The following NTM variants were observed in gnomAD, a reference collection of about 807,000 sequenced individuals.
NTM encodes neurotrimin.
In NTM, 13 loss-of-function variants were observed where a neutral mutation model predicts 42.1. The observed-to-expected ratio is 0.31, with a 90% confidence interval of 0.20 to 0.49. The LOEUF (loss-of-function observed/expected upper bound fraction) is 0.49. Ranked by LOEUF, NTM falls within the 20% of genes least tolerant of loss-of-function variation. NTM has a pLI of 0.99. For synonymous variants in NTM, 187 were observed against 179.2 expected (o/e 1.04, Z -0.35); for missense variants, 373 against 452.8 (o/e 0.82, Z 1.60).
intron 1 of NTM, among the ~76,000 whole-genome samples, chr11:131,742,300 G>A (rs1186594941): frequency 3.9e-5 from 6 of 152,130 alleles, no homozygotes; most frequent in African/African-American, 1.2e-4. Flanking sequence ...ATGGCCTTTG[G>A]AAAACATTTC....
At chr11:131,451,314 G>A (rs1950470329) in intron 1 of NTM, among the ~76,000 whole-genome samples, 1 of 152,146 alleles carries the variant, frequency 6.6e-6, no homozygotes, top group South Asian at 2.1e-4. Context: ...GTATAGATGA[G>A]TATTTTCTCT....
chr11:131,613,972 C>T (rs1049964424), intron 1 of NTM, among the ~76,000 whole-genome samples: 2 of 152,204 alleles, frequency 1.3e-5, no homozygotes, highest in African/African-American at 4.8e-5. Context: ...TACACGCAGA[C>T]ATGCACCATG....
chr11:132,315,089 T>TTCTC, intron 7 of NTM: 1 of 1,005,954 alleles, frequency 9.9e-7, no homozygotes, highest in Non-Finnish European at 1.2e-6. Context: ...GATTTTTTTT[T>TTCTC]TCTCAGTGAT....
intron 2 of NTM, among the ~76,000 whole-genome samples, chr11:131,977,500 G>A (rs1340851622): frequency 2.0e-5 from 3 of 152,172 alleles, no homozygotes; most frequent in African/African-American, 4.8e-5. Flanking sequence ...CAGCATTCAT[G>A]AGCAATTGCT....
At chr11:132,118,963 A>C (rs1237977244) in intron 2 of NTM, among the ~76,000 whole-genome samples, 2 of 152,016 alleles carry the variant, frequency 1.3e-5, no homozygotes, top group Non-Finnish European at 2.9e-5. Flanking sequence ...GTAGAGATAG[A>C]TAGTGTATAG....
intron 1 of NTM, among the ~76,000 whole-genome samples, chr11:131,581,046 G>A (rs143509850): frequency 5.3e-4 from 80 of 152,344 alleles, no homozygotes; most frequent in African/African-American, 1.9e-3. Flanking sequence ...TGCTAAAAGG[G>A]TGTGGGGTAT....
intron 1 of NTM, among the ~76,000 whole-genome samples, chr11:131,522,003 T>C (rs887691997): frequency 1.3e-5 from 2 of 152,218 alleles, no homozygotes; most frequent in African/African-American, 4.8e-5. Context: ...AATTAAAATT[T>C]AAATTGACGT....
chr11:131,922,192 T>C (rs577277776), intron 2 of NTM: 1 of 152,716 alleles, frequency 6.5e-6, no homozygotes, highest in African/African-American at 2.4e-5. Flanking sequence ...ATAAACGTCC[T>C]CCTTGCTACT....
intron 2 of NTM, among the ~76,000 whole-genome samples, chr11:132,038,818 C>T (rs918631005): frequency 6.6e-6 from 1 of 152,196 alleles, no homozygotes; most frequent in Non-Finnish European, 1.5e-5. Context: ...CTGCCTTCCT[C>T]ACGTCCCTGT....
At chr11:132,207,048 G>A (rs1446034241) in intron 3 of NTM, among the ~76,000 whole-genome samples, 1 of 152,208 alleles carries the variant, frequency 6.6e-6, no homozygotes, top group Non-Finnish European at 1.5e-5. Flanking sequence ...ACACCATTGT[G>A]TAACAGTAGG....
intron 1 of NTM, among the ~76,000 whole-genome samples, chr11:131,817,844 T>C (rs967570173): frequency 5.3e-5 from 8 of 152,376 alleles, no homozygotes; most frequent in Middle Eastern, 3.4e-3. Flanking sequence ...CTGTGTACCA[T>C]GGTTTACACT....
At chr11:132,171,636 T>C (rs2076135235) in intron 3 of NTM, among the ~76,000 whole-genome samples, 1 of 152,226 alleles carries the variant, frequency 6.6e-6, no homozygotes, top group African/African-American at 2.4e-5. Flanking sequence ...ATTCATTCCA[T>C]TGCTTTGTCC....
At chr11:131,595,040 G>T (rs2059696416) in intron 1 of NTM, among the ~76,000 whole-genome samples, 1 of 152,200 alleles carries the variant, frequency 6.6e-6, no homozygotes, top group African/African-American at 2.4e-5. Flanking sequence ...TATGCAGAAT[G>T]CTTAGCCCAG....
At chr11:131,714,493 G>T (rs2077487050) in intron 1 of NTM, among the ~76,000 whole-genome samples, 1 of 152,108 alleles carries the variant, frequency 6.6e-6, no homozygotes, top group African/African-American at 2.4e-5. Context: ...AACCAGCCAA[G>T]ATTTTTTCTA....
intron 1 of NTM, among the ~76,000 whole-genome samples, chr11:131,751,315 G>T (rs921844846): frequency 3.3e-5 from 5 of 151,894 alleles, no homozygotes; most frequent in African/African-American, 7.2e-5. Flanking sequence ...GGCTGGGCAC[G>T]GTGGCTCACG....
chr11:132,142,936 G>A (rs971373785), intron 2 of NTM, among the ~76,000 whole-genome samples: 4 of 152,122 alleles, frequency 2.6e-5, no homozygotes, highest in Non-Finnish European at 2.9e-5. Context: ...CGTGTTCATC[G>A]GGAGGTTGTG....
intron 1 of NTM, among the ~76,000 whole-genome samples, chr11:131,394,913 G>A (rs1365133990): frequency 6.6e-6 from 1 of 152,230 alleles, no homozygotes; most frequent in Non-Finnish European, 1.5e-5. Context: ...TAAAGCAGGT[G>A]AAACAGAAAT....
intron 1 of NTM, among the ~76,000 whole-genome samples, chr11:131,763,564 C>G (rs76911030): frequency 0.02 from 3,050 of 152,084 alleles, 103 homozygotes; most frequent in African/African-American, 0.065. Context: ...ACACAACTTA[C>G]TTTGTGTTTC....
intron 1 of NTM, among the ~76,000 whole-genome samples, chr11:131,597,390 C>A (rs1394067503): frequency 1.3e-5 from 2 of 152,132 alleles, no homozygotes; most frequent in African/African-American, 4.8e-5. Flanking sequence ...CTGCTTTCCC[C>A]ACCACTTTGG....
Sources: allele counts gnomAD v4.1 joint callset (sites outside exome capture counted in the v4.1 genomes callset), GRCh38; gene constraint gnomAD v4.1.1; transcripts MANE v1.5; gene names NCBI Gene and HGNC (gene_info 2026-07-23, HGNC 2026-07-21).